The following CEP170 variants were observed in gnomAD, a reference collection of about 807,000 sequenced individuals.
The protein encoded by CEP170 is centrosomal protein 170, also known as centrosomal protein of 170 kDa.
A neutral mutation model predicts 151.9 loss-of-function variants in CEP170; 21 were observed. That is an observed-to-expected ratio of 0.14 (90% CI 0.10 to 0.20). The LOEUF is 0.20. CEP170 is among the 10% of genes least tolerant of loss of function. The probability of loss-of-function intolerance (pLI) is 1.00; values close to 1 mark genes in which losing one functional copy is unlikely to be tolerated. For missense variants in CEP170, 964 were observed against 1,892.9 expected, an observed-to-expected ratio of 0.51 and a Z score of 9.11; for synonymous variants, 356 against 648.8, an observed-to-expected ratio of 0.55 and a Z score of 6.86.
intron 13 of CEP170, among the ~76,000 whole-genome samples, chr1:243,160,433 T>C (rs1558454392): frequency 6.6e-6 from 1 of 152,170 alleles, no homozygotes; most frequent in Non-Finnish European, 1.5e-5. Flanking sequence ...AATTATAAAA[T>C]AGGCAACATT....
At chr1:243,172,638 GAA>G (rs74889777) in intron 11 of CEP170, 57 bp downstream of exon 11, 31 of 1,305,388 alleles carry the variant, frequency 2.4e-5, no homozygotes, top group Admixed American at 9.8e-5. Flanking sequence ...TCTCAGACAA[GAA>G]AAAAAAAAGA....
chr1:243,139,252 C>T (rs570327905), intron 16 of CEP170, among the ~76,000 whole-genome samples: 97 of 152,222 alleles, frequency 6.4e-4, no homozygotes, highest in African/African-American at 2.3e-3. Flanking sequence ...CAGGCACATG[C>T]CACCACGCCC....
At chr1:243,250,025 T>C (rs1052171610) in intron 1 of CEP170, among the ~76,000 whole-genome samples, 1 of 152,130 alleles carries the variant, frequency 6.6e-6, no homozygotes, top group African/African-American at 2.4e-5. Flanking sequence ...AAGCCGAGAC[T>C]GAGCCACTGC....
intron 10 of CEP170, among the ~76,000 whole-genome samples, chr1:243,174,135 A>AC (rs1175337944): frequency 6.6e-6 from 1 of 152,168 alleles, no homozygotes; most frequent in Non-Finnish European, 1.5e-5. Context: ...AAATACAAAG[A>AC]CAAACAATGG....
intron 10 of CEP170, among the ~76,000 whole-genome samples, chr1:243,179,074 T>C (rs1344225873): frequency 2.0e-5 from 3 of 152,182 alleles, no homozygotes; most frequent in African/African-American, 7.2e-5. Flanking sequence ...AATCTTTGTC[T>C]TCCCTCTTAA....
At chr1:243,223,748 C>T (rs369811216) in intron 2 of CEP170, among the ~76,000 whole-genome samples, 2 of 152,112 alleles carry the variant, frequency 1.3e-5, no homozygotes, top group African/African-American at 4.8e-5. Context: ...TTAATAAAGA[C>T]AGTAACAATT....
chr1:243,226,118 T>C (rs1183118216), intron 1 of CEP170, among the ~76,000 whole-genome samples: 2 of 115,340 alleles, frequency 1.7e-5, no homozygotes, highest in Non-Finnish European at 4.0e-5. Flanking sequence ...TATATATGTA[T>C]ATACGTGTGT....
intron 3 of CEP170, 115 bp downstream of exon 3, chr1:243,221,609 A>T: frequency 9.4e-7 from 1 of 1,067,702 alleles, no homozygotes; most frequent in Non-Finnish European, 1.3e-6. Flanking sequence ...AAGCATTTGA[A>T]AATAACATAC....
intron 10 of CEP170, among the ~76,000 whole-genome samples, chr1:243,177,008 A>T (rs1251772453): frequency 1.3e-5 from 2 of 152,244 alleles, no homozygotes; most frequent in Non-Finnish European, 2.9e-5. Flanking sequence ...CATAGTCATT[A>T]TTATTGAAAA....
chr1:243,214,564 G>A (rs978490221), intron 3 of CEP170, among the ~76,000 whole-genome samples: 4 of 134,732 alleles, frequency 3.0e-5, no homozygotes, highest in Non-Finnish European at 7.0e-5. Context: ...AAGATTACAG[G>A]GGTGAGCTAC....
chr1:243,130,340 G>A (rs748816166), intron 17 of CEP170, among the ~76,000 whole-genome samples: 26 of 151,996 alleles, frequency 1.7e-4, no homozygotes, highest in Non-Finnish European at 2.5e-4. Flanking sequence ...TTGTTAATTC[G>A]TGTTAGTATA....
intron 1 of CEP170, among the ~76,000 whole-genome samples, chr1:243,238,828 TC>T (rs2064509439): frequency 6.6e-6 from 1 of 152,236 alleles, no homozygotes; most frequent in South Asian, 2.1e-4. Context: ...GAAAATGTCC[TC>T]CTGTTAAATC....
intron 1 of CEP170, among the ~76,000 whole-genome samples, chr1:243,246,785 T>C (rs2065445706): frequency 6.6e-6 from 1 of 152,176 alleles, no homozygotes; most frequent in African/African-American, 2.4e-5. Context: ...GGATTAGATT[T>C]GTAATATAAA....
At chr1:243,201,238 C>T (rs2061009633) in intron 4 of CEP170, among the ~76,000 whole-genome samples, 1 of 151,810 alleles carries the variant, frequency 6.6e-6, no homozygotes, top group Non-Finnish European at 1.5e-5. Context: ...ACAGCAATTC[C>T]TAAAAGAATT....
chr1:243,132,110 T>C (rs1052063843), intron 17 of CEP170, among the ~76,000 whole-genome samples: 3 of 152,152 alleles, frequency 2.0e-5, no homozygotes, highest in Non-Finnish European at 4.4e-5. Flanking sequence ...GTTCATACAA[T>C]GTAAGTACGC....
In CEP170 at chr1:243,164,479, G is replaced by A. The variant is rs562406564; in HGVS notation, c.3481C>T (p.Leu1161=). 3 of 1,605,584 alleles carry A rather than the reference G, an allele frequency of 1.9e-6. No homozygotes were observed. The South Asian group carries it at 3.3e-5, about 18-fold the overall frequency. The change falls in exon 13 of 20, where the codon CTG becomes TTG. Residue 1161 remains leucine (L), a synonymous_variant. Transcript: ENST00000366542. ...GCTTCAGAGTCACTACGAGCTGACA[G>A]TGAGCCAAGTCGTGTTCTACGAGGC... is the stretch of plus-strand genomic sequence containing the variant. ...AQPRRTRLGS[L]SARSDSEATI... is the part of the protein sequence containing the mutation.
intron 1 of CEP170, 92 bp from the exon 2 acceptor site, chr1:243,225,413 C>T (rs1470127406): frequency 7.8e-6 from 4 of 512,194 alleles, no homozygotes; most frequent in African/African-American, 4.0e-5. Flanking sequence ...AATAGAACTG[C>T]GTTCATCAAC....
intron 13 of CEP170, among the ~76,000 whole-genome samples, chr1:243,159,802 T>TGTGTGTGTGTGTGTGTGTGTGTGTGTGTG (rs58250126): frequency 4.0e-4 from 61 of 150,970 alleles, no homozygotes; most frequent in South Asian, 8.4e-4. Flanking sequence ...TGTGTGTGTG[T>TGTGTGTGTGTGTGTGTGTGTGTGTGTGTG]TTTTGAGATG....
chr1:243,172,530 G>A (rs2058924539), intron 11 of CEP170, among the ~76,000 whole-genome samples, 167 bp downstream of exon 11: 1 of 152,142 alleles, frequency 6.6e-6, no homozygotes, highest in African/African-American at 2.4e-5. Context: ...TACTTGGGAC[G>A]CTGAAGCAGG....
Sources: gnomAD v4.1 joint callset for allele counts (sites outside exome capture counted in the v4.1 genomes callset) on GRCh38, gnomAD v4.1.1 for gene constraint, MANE v1.5 for transcripts, NCBI Gene and HGNC (gene_info 2026-07-23, HGNC 2026-07-21) for gene names.